Variants in PTK2 observed in about 807,000 individuals in gnomAD.
The protein encoded by PTK2 is focal adhesion kinase 1.
Under a neutral mutation model 150.1 loss-of-function variants are expected in PTK2, and 45 were observed. The ratio of observed to expected loss-of-function variants is 0.30; its 90% CI spans 0.24 to 0.38. The LOEUF (loss-of-function observed/expected upper bound fraction) is 0.38. Among genes scored for constraint, PTK2 ranks in the 10% least tolerant of loss-of-function variants. The pLI is 1.00. For missense variants in PTK2, 919 were observed against 1,307.3 expected (o/e 0.70, Z 4.58); for synonymous variants, 432 against 449.2 (o/e 0.96, Z 0.48).
intron 5 of PTK2, among the ~76,000 whole-genome samples, chr8:140,861,472 G>A (rs1455703556): frequency 2.6e-5 from 4 of 152,136 alleles, no homozygotes; most frequent in Non-Finnish European, 4.4e-5. Flanking sequence ...GTGGGGTGGA[G>A]GAGCTGAAAG....
At chr8:140,849,196 A>G (rs1392458678) in intron 5 of PTK2, among the ~76,000 whole-genome samples, 1 of 152,162 alleles carries the variant, frequency 6.6e-6, no homozygotes, top group African/African-American at 2.4e-5. Flanking sequence ...TATTCTGCAA[A>G]GAGTATAGAT....
rs1308054565 is a variant in PTK2 at position 140,846,685 on chromosome 8, C to T, written c.451-7G>A. On this transcript the variant is annotated splice_polypyrimidine_tract_variant and splice_region_variant and intron_variant, in intron 5 of 31. Transcript: ENST00000522684. ...ACATATAATCGCTCTTCACCTACAA[C>T]AAAAGGAATGGGAAAAACAACACTG... 6.3e-7 allele frequency: 1 copy of T among 1,596,564 alleles called. No individual in the cohort carries two copies. The highest frequency in any genetic ancestry group is 8.5e-7 in the Non-Finnish European group (1 of 1,171,774).
At chr8:140,744,952 GATT>G in intron 18 of PTK2, 185 bp from the exon 22 acceptor site, 1 of 395,726 alleles carries the variant, frequency 2.5e-6, no homozygotes, top group Non-Finnish European at 4.5e-6. Context: ...TCTGGATTCA[GATT>G]ATTTTTTATT....
chr8:140,936,051 C>T (rs1263497393), intron 1 of PTK2, among the ~76,000 whole-genome samples: 1 of 152,130 alleles, frequency 6.6e-6, no homozygotes, highest in Non-Finnish European at 1.5e-5. Context: ...TGGCATGCAT[C>T]TGTAGTCCCG....
chr8:140,725,844 C>CAAAAAAAAAA (rs551800761), intron 22 of PTK2, among the ~76,000 whole-genome samples: 1 of 69,910 alleles, frequency 1.4e-5, no homozygotes, highest in Non-Finnish European at 3.1e-5. Flanking sequence ...CCTTGATATA[C>CAAAAAAAAAA]AAAAAAAAAA....
At chr8:140,983,304 T>C (rs552697567) in intron 1 of PTK2, among the ~76,000 whole-genome samples, 4 of 148,640 alleles carry the variant, frequency 2.7e-5, no homozygotes, top group South Asian at 2.1e-4. Flanking sequence ...GGAGAATTGC[T>C]TGAACCCAGG....
chr8:140,957,213 T>C (rs929411142), intron 1 of PTK2, among the ~76,000 whole-genome samples: 1 of 152,092 alleles, frequency 6.6e-6, no homozygotes, highest in Admixed American at 6.5e-5. Context: ...GCAGATGGAT[T>C]GCTTGAGTCT....
chr8:140,776,090 G>T (rs896666368), intron 14 of PTK2, among the ~76,000 whole-genome samples: 2 of 152,208 alleles, frequency 1.3e-5, no homozygotes, highest in African/African-American at 4.8e-5. Context: ...TATAACCTCC[G>T]GCTCCCAGGT....
chr8:140,876,357 A>T (rs986765200), intron 4 of PTK2, among the ~76,000 whole-genome samples: 4 of 152,218 alleles, frequency 2.6e-5, no homozygotes, highest in African/African-American at 9.6e-5. Context: ...ACAGGTTGCC[A>T]GCTACTTTCC....
At chr8:140,944,477 T>C (rs1211883435) in intron 1 of PTK2, among the ~76,000 whole-genome samples, 2 of 152,198 alleles carry the variant, frequency 1.3e-5, no homozygotes, top group African/African-American at 2.4e-5. Flanking sequence ...CGAGGAATCT[T>C]GGACTGTCTT....
intron 8 of PTK2, among the ~76,000 whole-genome samples, chr8:140,828,567 G>A (rs2100113348): frequency 6.6e-6 from 1 of 152,180 alleles, no homozygotes; most frequent in Non-Finnish European, 1.5e-5. Flanking sequence ...CTTCACAACT[G>A]AAAACCCCTG....
At chr8:140,707,814 G>T (rs747640086) in intron 23 of PTK2, among the ~76,000 whole-genome samples, 1 of 152,182 alleles carries the variant, frequency 6.6e-6, no homozygotes, top group Non-Finnish European at 1.5e-5. Flanking sequence ...CTGAGCCTGA[G>T]GGACCCAAAT....
intron 26 of PTK2, among the ~76,000 whole-genome samples, chr8:140,694,386 T>G (rs2100025195): frequency 2.6e-5 from 4 of 152,144 alleles, no homozygotes; most frequent in Admixed American, 2.0e-4. Flanking sequence ...AAACAGTAAT[T>G]TTTGGGCTGT....
chr8:140,994,980 A>G (rs920932341), intron 1 of PTK2, among the ~76,000 whole-genome samples: 46 of 151,090 alleles, frequency 3.0e-4, no homozygotes, highest in African/African-American at 1.1e-3. Context: ...GCTACTCAGG[A>G]GGTTGAGTCA....
intron 26 of PTK2, among the ~76,000 whole-genome samples, chr8:140,690,174 G>C (rs929848462): frequency 1.3e-5 from 2 of 151,756 alleles, no homozygotes; most frequent in African/African-American, 4.8e-5. Context: ...GGATGGTCTC[G>C]ATCACCTGAC....
At chr8:140,929,432 T>A (rs1033993700) in intron 1 of PTK2, among the ~76,000 whole-genome samples, 1 of 152,136 alleles carries the variant, frequency 6.6e-6, no homozygotes, top group East Asian at 1.9e-4. Flanking sequence ...AAAGAGACAA[T>A]AACCAATCAC....
chr8:140,839,675 C>T (rs565928671), intron 7 of PTK2, among the ~76,000 whole-genome samples: 1 of 152,096 alleles, frequency 6.6e-6, no homozygotes, highest in African/African-American at 2.4e-5. Context: ...AAAGAAATAT[C>T]TCCCCCAAAA....
At chr8:140,927,940 G>GAAAAAAAAAAAAAAAAAAA (rs779534564) in intron 1 of PTK2, among the ~76,000 whole-genome samples, 1 of 36,270 alleles carries the variant, frequency 2.8e-5, no homozygotes, top group African/African-American at 1.1e-4. Context: ...ATCTCAAAAA[G>GAAAAAAAAAAAAAAAAAAA]AAAAAAAAAA....
At chr8:140,863,878 T>C (rs2100137759) in intron 5 of PTK2, among the ~76,000 whole-genome samples, 1 of 152,232 alleles carries the variant, frequency 6.6e-6, no homozygotes, top group South Asian at 2.1e-4. Context: ...TACAAATGTC[T>C]TTCTGATGTT....
Sources: gnomAD v4.1 joint callset for allele counts (sites outside exome capture counted in the v4.1 genomes callset) on GRCh38, gnomAD v4.1.1 for gene constraint, MANE v1.5 for transcripts, NCBI Gene and HGNC (gene_info 2026-07-23, HGNC 2026-07-21) for gene names.